SMG9: variants seen among roughly 807,000 people sequenced by gnomAD.
SMG9 encodes nonsense-mediated mRNA decay factor SMG9.
Under a neutral mutation model 64.0 loss-of-function variants are expected in SMG9, and 55 were observed. That is an observed-to-expected ratio of 0.86 (90% CI 0.69 to 1.08). The LOEUF is 1.08. SMG9 is among the 50% of genes least tolerant of loss of function. The pLI is 0.00. For synonymous variants in SMG9, 244 were observed against 254.8 expected, an observed-to-expected ratio of 0.96 and a Z score of 0.41; for missense variants, 554 against 681.3, an observed-to-expected ratio of 0.81 and a Z score of 2.08.
At chr19:43,731,904 T>G (rs1156465426) in intron 13 of SMG9, among the ~76,000 whole-genome samples, 1 of 152,234 alleles carries the variant, frequency 6.6e-6, no homozygotes, top group Non-Finnish European at 1.5e-5. Context: ...GTTCCAGGGC[T>G]TGGACTAAGA....
intron 1 of SMG9, among the ~76,000 whole-genome samples, chr19:43,752,307 T>C (rs2146414665): frequency 6.6e-6 from 1 of 152,370 alleles, no homozygotes; most frequent in East Asian, 1.9e-4. Flanking sequence ...TTACAGGTCC[T>C]TAGAGAGTTT....
intron 1 of SMG9, among the ~76,000 whole-genome samples, chr19:43,753,133 G>A (rs536341591): frequency 6.6e-6 from 1 of 152,026 alleles, no homozygotes; most frequent in Non-Finnish European, 1.5e-5. Flanking sequence ...TGTGCTACAT[G>A]ACCTCTCCCA....
intron 6 of SMG9, among the ~76,000 whole-genome samples, chr19:43,741,561 G>A (rs948444523): frequency 3.9e-5 from 6 of 152,184 alleles, no homozygotes; most frequent in East Asian, 1.9e-4. Flanking sequence ...GGTGAGGACC[G>A]TACGGTGGAA....
At chr19:43,733,565 A>G in intron 11 of SMG9, 61 bp downstream of exon 11, 1 of 1,607,762 alleles carries the variant, frequency 6.2e-7, no homozygotes, top group Non-Finnish European at 8.5e-7. Flanking sequence ...AGACTGACCC[A>G]CGGGGTTGGA....
chr19:43,740,212 A>T lies in SMG9; in HGVS notation c.708T>A (p.Tyr236Ter). 6.2e-7 allele frequency: 1 copy of T among 1,613,136 alleles called. No homozygotes were observed. The highest frequency in any genetic ancestry group is 8.5e-7 in the Non-Finnish European group (1 of 1,179,148). The change falls in exon 7 of 14, where the codon TAT (tyrosine) becomes TAA (stop). Residue 236 changes from tyrosine (Y) to a stop codon, truncating the protein, a stop_gained. Coordinates refer to ENST00000270066, the MANE Select transcript of SMG9 (RefSeq NM_019108.4). LOFTEE classifies it high-confidence loss of function. ...ANTPEEDQRT[Y>*]VFRAQSAEMK... The stretch of plus-strand genomic sequence containing the variant: ...TTTCAGCGCTCTGGGCCCGGAAAAC[A>T]TAAGTCCTGTGGAGAGGAGCAGGCA...
rs1568380795 is a variant in SMG9 at position 43,747,711 on chromosome 19, C to G, written c.412G>C (p.Glu138Gln). ...AAPAPPKGEK[E>Q]GQRPTQPVYQ... ...ACAGGCTGTGTGGGTCTCTGCCCCT[C>G]CTTCTCCCCCTTGGGTGGCGCAGGG... Residue 138 changes from glutamate to glutamine, a missense_variant, in exon 4 of 14, where the codon GAG becomes CAG. Glu to Gln is a conservative substitution (Grantham distance 29). Transcript: ENST00000270066. 1 of 1,610,858 alleles carries G rather than the reference C, an allele frequency of 6.2e-7. No individual in the cohort carries two copies. The highest frequency in any genetic ancestry group is 2.2e-5 in the East Asian group (1 of 44,750).
chr19:43,748,780 T>C, intron 2 of SMG9: 1 of 520,190 alleles, frequency 1.9e-6, no homozygotes, highest in South Asian at 1.4e-5. Context: ...ACTGTGTCTG[T>C]TCCTTCACCA....
chr19:43,732,969 G>A lies in SMG9; in HGVS notation c.1373C>T (p.Pro458Leu). 1 of 1,613,708 alleles carries A rather than the reference G, an allele frequency of 6.2e-7. No homozygotes were observed. Among genetic ancestry groups the A allele is most frequent in the South Asian group, 1.1e-5 (1 of 91,074 alleles). Residue 458 changes from proline (P) to leucine (L), a missense_variant, in exon 13 of 14, where the codon CCT becomes CTT. By Grantham distance (98) the Pro-to-Leu change is moderately conservative (BLOSUM62 -3). Transcript: ENST00000270066. ...GAAACTGGGGTGGCCACGATACCCA[G>A]GCAGCAGGGAGAAGAGTGGGCTGGA... ...PGSSPLFSLL[P>L]GYRGHPSFQS...
intron 5 of SMG9, among the ~76,000 whole-genome samples, chr19:43,747,178 C>T (rs1322584658): frequency 2.0e-5 from 3 of 152,092 alleles, no homozygotes; most frequent in South Asian, 2.1e-4. Flanking sequence ...GTGGATGGCA[C>T]GGGAGATCCC....
In SMG9 at chr19:43,738,190, G is replaced by A. The variant is rs1968735535; in HGVS notation, c.841C>T (p.His281Tyr). 5 of 1,613,942 alleles carry A rather than the reference G, an allele frequency of 3.1e-6. No individual in the cohort carries two copies. Among genetic ancestry groups the A allele is most frequent in the Non-Finnish European group, 4.2e-6 (5 of 1,179,992 alleles). ...QPILSPSILDHLINNDRKLPP... is the reference protein window; with the variant it reads ...QPILSPSILDYLINNDRKLPP... The stretch of plus-strand genomic sequence containing the variant: ...AGTTTGCGGTCATTATTGATGAGAT[G>A]GTCTAGGATAGAAGGGCTCAGGATG... The change falls in exon 8 of 14, where the codon CAT (histidine) becomes TAT (tyrosine). Residue 281 changes from histidine (H) to tyrosine (Y), a missense_variant. Physicochemically the swap from His to Tyr is moderately conservative, Grantham distance 83 (BLOSUM62 2). Coordinates refer to ENST00000270066, the MANE Select transcript of SMG9 (RefSeq NM_019108.4).
chr19:43,740,662 T>A (rs1295786775), intron 6 of SMG9, among the ~76,000 whole-genome samples: 1 of 152,172 alleles, frequency 6.6e-6, no homozygotes. Context: ...GCCTGATATA[T>A]AATGATATAT....
chr19:43,734,702 C>CT, intron 9 of SMG9: 1 of 442,890 alleles, frequency 2.3e-6, no homozygotes, highest in Non-Finnish European at 4.0e-6. Flanking sequence ...TGTATAAATT[C>CT]TTTGAGTTTA....
chr19:43,747,901 C>T lies in SMG9; in HGVS notation c.226-4G>A, dbSNP rs751679372. On this transcript the variant is annotated splice_polypyrimidine_tract_variant and splice_region_variant and intron_variant, in intron 3 of 13. Coordinates refer to ENST00000270066, the MANE Select transcript of SMG9 (RefSeq NM_019108.4). Reference sequence around the variant, plus strand: ...TTGGAGGTGGTGGCTGTTTTGACTACGGAGGTAAAAAAAATCCCATCAATG... The same window carrying T: ...TTGGAGGTGGTGGCTGTTTTGACTATGGAGGTAAAAAAAATCCCATCAATG... 1.2e-5 allele frequency: 20 copies of T among 1,613,124 alleles called. No individual in the cohort carries two copies. In the East Asian group the frequency reaches 2.0e-4, roughly 16 times the overall value.
intron 1 of SMG9, among the ~76,000 whole-genome samples, chr19:43,753,211 T>C (rs1022843746): frequency 3.9e-5 from 6 of 152,120 alleles, no homozygotes; most frequent in Non-Finnish European, 8.8e-5. Flanking sequence ...TACAGCTGCT[T>C]AGGGAAAATG....
chr19:43,731,674 C>A lies in SMG9; in HGVS notation c.1485G>T (p.Trp495Cys), dbSNP rs1467849102. 1.2e-6 allele frequency: 2 copies of A among 1,614,228 alleles called. No individual in the cohort carries two copies. Among genetic ancestry groups the A allele is most frequent in the Non-Finnish European group, 1.7e-6 (2 of 1,180,032 alleles). Residue 495 changes from tryptophan (W) to cysteine (C), a missense_variant and splice_region_variant, in exon 14 of 14, where the codon TGG (tryptophan) becomes TGT (cysteine). By Grantham distance (215) the Trp-to-Cys change is radical. Transcript: ENST00000270066. ...LSHTILTEKNWFHYAARIWDG... is the reference protein window; with the variant it reads ...LSHTILTEKNCFHYAARIWDG... ...CCCAGATCCGGGCAGCGTAGTGGAACCTGTGAGGAGGCCAACAGTCAGGGC... is the reference window on the plus strand; with the variant it reads ...CCCAGATCCGGGCAGCGTAGTGGAAACTGTGAGGAGGCCAACAGTCAGGGC...
chr19:43,737,484 C>A (rs1215444642), intron 9 of SMG9, 113 bp downstream of exon 9: 2 of 905,838 alleles, frequency 2.2e-6, no homozygotes, highest in Non-Finnish European at 3.3e-6. Flanking sequence ...CTCCAACTTA[C>A]ATTTTAAAAG....
rs1968482698 is a variant in SMG9, at chr19:43,731,488, A to G, written c.*108T>C. On this transcript the variant is annotated 3_prime_UTR_variant, in exon 14 of 14. Coordinates refer to ENST00000270066, the MANE Select transcript of SMG9 (RefSeq NM_019108.4). ...GCCGGGAAGCCACGATCCCTCATCC[A>G]TCAGGCCTGCTGCCGCTCTCCACCC... The G allele has an allele frequency of 5.8e-6, 9 of 1,550,552 alleles. No homozygotes were observed. In the East Asian group the frequency reaches 2.1e-4, roughly 36 times the overall value.
chr19:43,736,870 G>C (rs559685546), intron 9 of SMG9, among the ~76,000 whole-genome samples: 4 of 152,222 alleles, frequency 2.6e-5, no homozygotes, highest in African/African-American at 9.7e-5. Flanking sequence ...CGAATGGCAC[G>C]AGGGCGAGAG....
intron 1 of SMG9, among the ~76,000 whole-genome samples, chr19:43,753,437 C>T (rs909032780): frequency 2.0e-5 from 3 of 151,422 alleles, no homozygotes; most frequent in Non-Finnish European, 2.9e-5. Context: ...GCAAAGTAAG[C>T]GCCCCTGTGT....
Sources: allele counts gnomAD v4.1 joint callset (sites outside exome capture counted in the v4.1 genomes callset), GRCh38; gene constraint gnomAD v4.1.1; transcripts MANE v1.5; gene names NCBI Gene and HGNC (gene_info 2026-07-23, HGNC 2026-07-21).